POLR2K: variants seen among roughly 807,000 people sequenced by gnomAD.
The protein encoded by POLR2K is RNA polymerase II, I and III subunit K.
POLR2K carries 9 observed loss-of-function variants against 10.1 expected under a neutral mutation model. The observed-to-expected ratio is 0.89, with a 90% CI of 0.54 to 1.56. The LOEUF is 1.56. Ranked by LOEUF, POLR2K falls within the 40% of genes most tolerant of loss-of-function variation. The pLI, the probability that POLR2K is intolerant of heterozygous loss-of-function variation, is 0.00. For synonymous variants in POLR2K, 19 were observed against 20.3 expected (o/e 0.94, Z 0.17); for missense variants, 53 against 71.9 (o/e 0.74, Z 0.95).
In POLR2K at chr8:100,151,841, G is replaced by T; in HGVS notation, c.79G>T (p.Glu27Ter). Residue 27 changes from glutamate (E) to a stop codon, truncating the protein, a stop_gained, in exon 3 of 4, where the codon GAA becomes TAA. Transcript: ENST00000353107. LOFTEE classifies it high-confidence loss of function. ...YICGECHTENEIKSRDPIRCR... is the reference protein window; with the variant it reads ...YICGECHTEN ...AATTCTAGAGTGTCACACAGAAAAT[G>T]AAATAAAATCTAGGGATCCAATCAG... 1 of 1,539,366 alleles carries T rather than the reference G, an allele frequency of 6.5e-7. No individual in the cohort carries two copies. The highest frequency in any genetic ancestry group is 1.2e-5 in the South Asian group (1 of 85,632).
chr8:100,153,799 C>G lies in POLR2K; in HGVS notation c.*483C>G, dbSNP rs558806663. ...AGACCATATTATATTTGGGTATCTA[C>G]TAATATTTTGTATAAAGCAATTTTT... On this transcript the variant is annotated 3_prime_UTR_variant, in exon 4 of 4. Transcript: ENST00000353107. The G allele has an allele frequency of 6.6e-6, 1 of 152,398 alleles. No individual in the cohort carries two copies. Among genetic ancestry groups the G allele is most frequent in the East Asian group, 1.9e-4 (1 of 5,180 alleles). The allele number at this position is 152,398 out of a possible 1,614,324, so 9.4% of individuals were successfully genotyped here. A position where few individuals can be genotyped will look rare whatever the true frequency, so the allele number is the denominator to read the frequency against.
rs901565354 is a variant in POLR2K at position 100,153,639 on chromosome 8, T to C, written c.*323T>C. 2.2e-5 allele frequency: 5 copies of C among 230,512 alleles called. No individual in the cohort carries two copies. Among genetic ancestry groups the C allele is most frequent in the South Asian group, 2.0e-4 (2 of 9,994 alleles). 14.3% of individuals were successfully genotyped at this position (230,512 alleles called of 1,614,324 possible). ...GTTGGTCTCTCTTGCTTTCAAAATATCTTCTTGTACAGTACTCACCTATTT... is the reference window on the plus strand; with the variant it reads ...GTTGGTCTCTCTTGCTTTCAAAATACCTTCTTGTACAGTACTCACCTATTT... On this transcript the variant is annotated 3_prime_UTR_variant, in exon 4 of 4. Coordinates refer to ENST00000353107, the MANE Select transcript of POLR2K (RefSeq NM_005034.4).
At chr8:100,152,279 CA>C (rs1814930341) in intron 3 of POLR2K, 1 of 358,408 alleles carries the variant, frequency 2.8e-6, no homozygotes, top group Non-Finnish European at 5.0e-6. Context: ...CTAGGCTACA[CA>C]CCTGTACAGC....
At chr8:100,152,560 A>G (rs1295748436) in intron 3 of POLR2K, among the ~76,000 whole-genome samples, 1 of 152,210 alleles carries the variant, frequency 6.6e-6, no homozygotes, top group Non-Finnish European at 1.5e-5. Context: ...AATTGTTCAA[A>G]TACTGAGAGT....
intron 3 of POLR2K, chr8:100,152,281 C>G (rs1220391196): frequency 2.8e-6 from 1 of 351,374 alleles, no homozygotes; most frequent in Admixed American, 4.9e-5. Context: ...AGGCTACACA[C>G]CTGTACAGCA....
chr8:100,151,244 G>T, intron 1 of POLR2K, 103 bp from the exon 2 acceptor site: 1 of 809,514 alleles, frequency 1.2e-6, no homozygotes, highest in Non-Finnish European at 2.2e-6. Flanking sequence ...GAAAGGAACA[G>T]ATTAGGAATT....
intron 3 of POLR2K, 85 bp downstream of exon 3, chr8:100,152,001 A>G (rs1432450870): frequency 1.3e-6 from 1 of 749,642 alleles, no homozygotes; most frequent in Non-Finnish European, 2.4e-6. Flanking sequence ...TCTGGTTAAA[A>G]TGATAACTTT....
At chr8:100,153,240 TC>T in intron 3 of POLR2K, 53 bp from the exon 4 acceptor site, 1 of 1,351,706 alleles carries the variant, frequency 7.4e-7, no homozygotes, top group Non-Finnish European at 1.0e-6. Context: ...TTTGAAACCT[TC>T]AGTCTTAATA....
At chr8:100,152,770 T>G (rs182441409) in intron 3 of POLR2K, among the ~76,000 whole-genome samples, 31 of 152,246 alleles carry the variant, frequency 2.0e-4, no homozygotes, top group African/African-American at 7.2e-4. Flanking sequence ...TTTGTTTGTT[T>G]TTTGTTTTTT....
intron 3 of POLR2K, 114 bp from the exon 4 acceptor site, chr8:100,153,180 T>A (rs1426146062): frequency 1.4e-6 from 1 of 726,924 alleles, no homozygotes; most frequent in Non-Finnish European, 2.3e-6. Flanking sequence ...CCATTCTTTT[T>A]TGCATTTTAA....
intron 2 of POLR2K, 49 bp downstream of exon 2, chr8:100,151,465 T>C (rs1227269204): frequency 8.4e-7 from 1 of 1,188,804 alleles, no homozygotes; most frequent in Non-Finnish European, 1.3e-6. Flanking sequence ...TAAGTTTTTT[T>C]GAAATTGTTA....
In POLR2K at chr8:100,153,303, T is replaced by C. The variant is rs1814944132; in HGVS notation, c.164T>C (p.Phe55Ser). ...YKKRTKRLVV[F>S]DAR ...ACTCAAATTAATACAGTGGTCGTTT[T>C]TGATGCTCGATGAATGCTGGGAATT... The change falls in exon 4 of 4, where the codon TTT becomes TCT. Residue 55 changes from phenylalanine to serine, a missense_variant. By Grantham distance (155) the Phe-to-Ser change is radical (BLOSUM62 -2). Coordinates refer to ENST00000353107, the MANE Select transcript of POLR2K (RefSeq NM_005034.4). 6.2e-7 allele frequency: 1 copy of C among 1,609,914 alleles called. No individual in the cohort carries two copies. The highest frequency in any genetic ancestry group is 8.5e-7 in the Non-Finnish European group (1 of 1,177,158).
Position 100,151,811 on chromosome 8 carries a change from T to G in POLR2K, c.62-13T>G. ...CTCTTAGGCATTGAGTAAATTTTTT[T>G]TTTTAATTCTAGAGTGTCACACAGA... On this transcript the variant is annotated splice_polypyrimidine_tract_variant and intron_variant, in intron 2 of 3. Coordinates refer to ENST00000353107, the MANE Select transcript of POLR2K (RefSeq NM_005034.4). 1 of 1,325,880 alleles carries G rather than the reference T, an allele frequency of 7.5e-7. No homozygotes were observed. Among genetic ancestry groups the G allele is most frequent in the Non-Finnish European group, 1.1e-6 (1 of 943,234 alleles). 82.1% of individuals were successfully genotyped at this position (1,325,880 alleles called of 1,614,324 possible). A position where few individuals can be genotyped will look rare whatever the true frequency, so the allele number is the denominator to read the frequency against.
rs145486022 is a variant in POLR2K, at chr8:100,153,456, C to T, written c.*140C>T. On this transcript the variant is annotated 3_prime_UTR_variant, in exon 4 of 4. Transcript: ENST00000353107. Reference sequence around the variant, plus strand: ...GATACATTCCAAGGCCCCCAGTGAACTCCTGAAACCTCAAACAGTACCAAA... The same window carrying T: ...GATACATTCCAAGGCCCCCAGTGAATTCCTGAAACCTCAAACAGTACCAAA... The T allele has an allele frequency of 1.1e-4, 78 of 683,920 alleles. No individual in the cohort carries two copies. In the African/African-American group the frequency reaches 1.2e-3, roughly 11 times the overall value. 42.4% of individuals were successfully genotyped at this position (683,920 alleles called of 1,614,324 possible). A position where few individuals can be genotyped will look rare whatever the true frequency, so the allele number is the denominator to read the frequency against.
chr8:100,152,397 T>C (rs971737891), intron 3 of POLR2K, among the ~76,000 whole-genome samples: 62 of 152,252 alleles, frequency 4.1e-4, no homozygotes, highest in African/African-American at 1.5e-3. Flanking sequence ...ACTGTTTATA[T>C]GTGCTCCATC....
rs1814952275 is a variant in POLR2K, at chr8:100,153,906, CT to C, written c.*594del. 6.6e-6 allele frequency: 1 copy of C among 152,110 alleles called. No homozygotes were observed. The highest frequency in any genetic ancestry group is 2.4e-5 in the African/African-American group (1 of 41,456). 9.4% of individuals were successfully genotyped at this position (152,110 alleles called of 1,614,324 possible). ...GGTAAAGTTGCTTCCCCAAACCACA[CT>C]TTTAATCAAAACCTAGAATCATCTG... On this transcript the variant is annotated 3_prime_UTR_variant, in exon 4 of 4. Coordinates refer to ENST00000353107, the MANE Select transcript of POLR2K (RefSeq NM_005034.4).
At chr8:100,150,954 C>G (rs1446322598) in intron 1 of POLR2K, among the ~76,000 whole-genome samples, 1 of 152,120 alleles carries the variant, frequency 6.6e-6, no homozygotes, top group African/African-American at 2.4e-5. Context: ...CTAACTTCTG[C>G]TAGAGTTTGG....
chr8:100,151,724 T>A, intron 2 of POLR2K, 100 bp from the exon 3 acceptor site: 1 of 632,720 alleles, frequency 1.6e-6, no homozygotes, highest in Non-Finnish European at 2.8e-6. Context: ...TGAGTATATT[T>A]TAGTGTTTTG....
chr8:100,152,308 A>G, intron 3 of POLR2K: 1 of 240,776 alleles, frequency 4.2e-6, no homozygotes, highest in East Asian at 9.3e-5. Context: ...TGTACTGAAT[A>G]GACAATTGTA....
Sources: allele counts gnomAD v4.1 joint callset (sites outside exome capture counted in the v4.1 genomes callset), GRCh38; gene constraint gnomAD v4.1.1; transcripts MANE v1.5; gene names NCBI Gene and HGNC (gene_info 2026-07-23, HGNC 2026-07-21).